The following CSMD2 variants were observed in gnomAD, a reference collection of about 807,000 sequenced individuals.
CSMD2 encodes the protein CUB and Sushi multiple domains 2.
In CSMD2, 130 loss-of-function variants were observed where a neutral mutation model predicts 398.5. The observed-to-expected ratio is 0.33, with a 90% CI of 0.28 to 0.38. The LOEUF (loss-of-function observed/expected upper bound fraction) is 0.38, where lower values mean the gene tolerates loss of function less well. Ranked by LOEUF, CSMD2 falls within the 10% of genes least tolerant of loss-of-function variation. The pLI is 1.00. For missense variants in CSMD2, 3,829 were observed against 4,764.9 expected (o/e 0.80, Z 5.78); for synonymous variants, 1,828 against 1,908.5 (o/e 0.96, Z 1.10).
intron 29 of CSMD2, among the ~76,000 whole-genome samples, chr1:33,641,622 T>C (rs1189323097): frequency 6.6e-6 from 1 of 152,214 alleles, no homozygotes; most frequent in Non-Finnish European, 1.5e-5. Context: ...ACAGATGACA[T>C]GACTGCATTC....
chr1:33,664,278 C>G (rs1242039103), intron 25 of CSMD2, among the ~76,000 whole-genome samples: 1 of 152,024 alleles, frequency 6.6e-6, no homozygotes, highest in Non-Finnish European at 1.5e-5. Context: ...ATATTGTTCC[C>G]TCAAAATGAG....
intron 10 of CSMD2, among the ~76,000 whole-genome samples, chr1:33,799,247 T>C (rs1171818735): frequency 6.6e-6 from 1 of 152,206 alleles, no homozygotes. Flanking sequence ...AACAGAGACC[T>C]TACATGGACT....
intron 55 of CSMD2, among the ~76,000 whole-genome samples, chr1:33,551,201 AG>A (rs1435381772): frequency 1.3e-5 from 2 of 152,242 alleles, no homozygotes; most frequent in Non-Finnish European, 2.9e-5. Context: ...AGAGACAGCA[AG>A]GAAGCCAAGG....
intron 13 of CSMD2, among the ~76,000 whole-genome samples, 169 bp from the exon 14 acceptor site, chr1:33,743,775 C>T (rs1030572675): frequency 9.9e-5 from 15 of 152,174 alleles, no homozygotes; most frequent in Admixed American, 2.0e-4. Flanking sequence ...GGGAGACATG[C>T]TGGGCTCCAT....
At chr1:33,543,861 G>A (rs1386007012) in intron 57 of CSMD2, among the ~76,000 whole-genome samples, 1 of 152,160 alleles carries the variant, frequency 6.6e-6, no homozygotes, top group Non-Finnish European at 1.5e-5. Flanking sequence ...AGAATAATGA[G>A]TTGGTTTCCT....
intron 62 of CSMD2, among the ~76,000 whole-genome samples, chr1:33,534,141 T>G (rs1431974643): frequency 2.0e-5 from 3 of 152,192 alleles, no homozygotes; most frequent in African/African-American, 7.2e-5. Context: ...CACTCTGTTG[T>G]GGACACGGTG....
intron 5 of CSMD2, among the ~76,000 whole-genome samples, chr1:33,875,009 A>C (rs1004423101): frequency 6.6e-6 from 1 of 152,152 alleles, no homozygotes; most frequent in Non-Finnish European, 1.5e-5. Context: ...CCATGTGCAA[A>C]GTATCTACTC....
chr1:33,896,078 A>C (rs1305457404), intron 5 of CSMD2, among the ~76,000 whole-genome samples: 2 of 152,218 alleles, frequency 1.3e-5, no homozygotes, highest in Non-Finnish European at 2.9e-5. Flanking sequence ...AGGATAAAGC[A>C]CTTTACATAT....
intron 44 of CSMD2, among the ~76,000 whole-genome samples, chr1:33,592,720 T>C (rs1025695446): frequency 1.1e-4 from 17 of 152,080 alleles, no homozygotes; most frequent in African/African-American, 3.1e-4. Flanking sequence ...GAGGCCGAGG[T>C]GGGCGGATCA....
intron 24 of CSMD2, 69 bp downstream of exon 24, chr1:33,698,684 T>G: frequency 1.4e-6 from 2 of 1,435,868 alleles, no homozygotes; most frequent in Non-Finnish European, 1.9e-6. Context: ...CTAACTGGAA[T>G]GAGACCAGGA....
At chr1:33,962,280 A>AG (rs1159317028) in intron 3 of CSMD2, among the ~76,000 whole-genome samples, 1 of 151,772 alleles carries the variant, frequency 6.6e-6, no homozygotes, top group Non-Finnish European at 1.5e-5. Flanking sequence ...GTCCCTGGGG[A>AG]GGGGGAGCGA....
At chr1:33,825,558 C>T in intron 7 of CSMD2, 139 bp downstream of exon 7, 1 of 772,252 alleles carries the variant, frequency 1.3e-6, no homozygotes, top group Non-Finnish European at 2.1e-6. Context: ...TCAGTGTGTC[C>T]AAGCGCAGAG....
chr1:34,049,208 C>G (rs886127730), intron 2 of CSMD2, among the ~76,000 whole-genome samples: 1 of 152,136 alleles, frequency 6.6e-6, no homozygotes, highest in African/African-American at 2.4e-5. Flanking sequence ...AGCAAAGAGG[C>G]TTTACCTGTG....
intron 5 of CSMD2, among the ~76,000 whole-genome samples, chr1:33,905,124 C>T (rs1643008902): frequency 6.6e-6 from 1 of 152,026 alleles, no homozygotes; most frequent in East Asian, 1.9e-4. Context: ...TTTTAAGATT[C>T]CTGTTAATAT....
At chr1:33,929,886 A>C (rs1644257361) in intron 4 of CSMD2, among the ~76,000 whole-genome samples, 1 of 152,092 alleles carries the variant, frequency 6.6e-6, no homozygotes, top group Non-Finnish European at 1.5e-5. Context: ...CCTCCTTGTC[A>C]CAGGACTCAT....
At chr1:33,521,103 G>A (rs1277427439) in intron 68 of CSMD2, among the ~76,000 whole-genome samples, 4 of 152,220 alleles carry the variant, frequency 2.6e-5, no homozygotes, top group African/African-American at 9.7e-5. Context: ...CACCCTGAGA[G>A]CTCTAAGACA....
At chr1:34,038,265 T>C (rs766360284) in intron 2 of CSMD2, among the ~76,000 whole-genome samples, 15 of 152,156 alleles carry the variant, frequency 9.9e-5, no homozygotes, top group Non-Finnish European at 2.1e-4. Context: ...AGGAGTGAGG[T>C]ATCCTTCAAT....
intron 2 of CSMD2, among the ~76,000 whole-genome samples, chr1:34,069,251 G>A (rs1294467306): frequency 6.6e-6 from 1 of 151,878 alleles, no homozygotes; most frequent in East Asian, 1.9e-4. Context: ...GCAAGAATTT[G>A]CTGAGACCCC....
At chr1:33,601,071 G>A (rs1048585156) in intron 43 of CSMD2, 61 bp from the exon 44 acceptor site, 7 of 1,604,840 alleles carry the variant, frequency 4.4e-6, no homozygotes, top group Non-Finnish European at 6.0e-6. Flanking sequence ...TGCTCCACTT[G>A]GTGCCATCAG....
Sources: allele counts gnomAD v4.1 joint callset (sites outside exome capture counted in the v4.1 genomes callset), GRCh38; gene constraint gnomAD v4.1.1; transcripts MANE v1.5; gene names NCBI Gene and HGNC (gene_info 2026-07-23, HGNC 2026-07-21).